Variants in MCTP2 observed in about 807,000 individuals in gnomAD.
MCTP2 encodes the protein multiple C2 and transmembrane domain-containing protein 2.
In MCTP2, 132 loss-of-function variants were observed where a neutral mutation model predicts 111.6. The ratio of observed to expected loss-of-function variants is 1.18; its 90% CI spans 1.03 to 1.37. The LOEUF is 1.37. MCTP2 is among the 40% of genes most tolerant of loss of function. The probability of loss-of-function intolerance (pLI) is 0.00; values close to 1 mark genes in which losing one functional copy is unlikely to be tolerated. For missense variants in MCTP2, 1,183 were observed against 1,067.9 expected, an observed-to-expected ratio of 1.11 and a Z score of -1.50; for synonymous variants, 395 against 387.7, an observed-to-expected ratio of 1.02 and a Z score of -0.22.
In MCTP2 at chr15:94,440,103, A is replaced by T. The variant is rs2083691304; in HGVS notation, c.2086-73A>T. The T allele has an allele frequency of 1.9e-6, 3 of 1,543,510 alleles. No individual in the cohort carries two copies. In the South Asian group the frequency reaches 3.5e-5, roughly 18 times the overall value. The stretch of plus-strand genomic sequence containing the variant: ...GAGTCCAATTGAATCTCCTTACATC[A>T]ATGAGTAGGAATTTGATTGCTCCCC... On this transcript the variant is annotated intron_variant, in intron 17 of 22. Transcript: ENST00000357742.
In MCTP2 at chr15:94,452,423, C is replaced by G. The variant is rs7172050; in HGVS notation, c.2251-5714C>G. On this transcript the variant is annotated intron_variant, in intron 19 of 22. Coordinates refer to ENST00000357742, the MANE Select transcript of MCTP2 (RefSeq NM_001385001.1). ...TAGGAAGAGGATTCACAAAAGCCAT[C>G]AAGCTTGAGTTGGGCCTTCCAGTCA... 6.8e-3 allele frequency among the ~76,000 whole-genome samples: 1,035 copies of G among 152,304 alleles called. 18 individuals carry two copies. The highest frequency in any genetic ancestry group is 0.024 in the African/African-American group (979 of 41,562).
chr15:94,333,569 T>C (rs1011902156), intron 4 of MCTP2, among the ~76,000 whole-genome samples: 2 of 152,188 alleles, frequency 1.3e-5, no homozygotes, highest in Admixed American at 6.5e-5. Flanking sequence ...ACCATTTGTA[T>C]TGGTACCAGC....
Position 94,358,469 on chromosome 15 carries a change from G to A in MCTP2, c.1171-13G>A, listed in dbSNP as rs1167140886. ...TTTTAAGAAAATAAATATTATAACT[G>A]CATGTTTTCTAGACACTGTGTAAGA... On this transcript the variant is annotated splice_polypyrimidine_tract_variant and intron_variant, in intron 9 of 22. Transcript: ENST00000357742. 3.1e-6 allele frequency: 5 copies of A among 1,602,870 alleles called. No homozygotes were observed. Among genetic ancestry groups the A allele is most frequent in the South Asian group, 1.1e-5 (1 of 89,544 alleles).
intron 1 of MCTP2, among the ~76,000 whole-genome samples, chr15:94,235,433 G>A (rs1187217695): frequency 2.6e-5 from 4 of 152,032 alleles, no homozygotes; most frequent in African/African-American, 7.3e-5. Context: ...GAAGCCCTCC[G>A]GATGATTCTG....
Position 94,401,905 on chromosome 15 carries a change from A to G in MCTP2, c.1971A>G (p.Leu657=), listed in dbSNP as rs774644591. ...TTGTCATTTTTTAAAATCAGATCTT[A>G]TCAAGAGATGTGGACCGTGTGAAAA... ...EDSRKLSKKI[L]SRDVDRVKRI... is the part of the protein sequence containing the mutation. Residue 657 remains leucine, a synonymous_variant, in exon 17 of 23, where the codon TTA becomes TTG. Transcript: ENST00000357742. 3.7e-6 allele frequency: 6 copies of G among 1,606,128 alleles called. No homozygotes were observed. The highest frequency in any genetic ancestry group is 5.1e-6 in the Non-Finnish European group (6 of 1,176,644).
chr15:94,381,110 G>C (rs1438602446), intron 12 of MCTP2, among the ~76,000 whole-genome samples: 1 of 152,228 alleles, frequency 6.6e-6, no homozygotes, highest in East Asian at 1.9e-4. Flanking sequence ...ATGTATGTCA[G>C]TCTCCCTTGT....
intron 1 of MCTP2, among the ~76,000 whole-genome samples, chr15:94,245,336 G>A (rs1368292229): frequency 7.3e-6 from 1 of 136,308 alleles, no homozygotes; most frequent in Non-Finnish European, 1.6e-5. Flanking sequence ...ATACATATGT[G>A]TAGATATTTA....
chr15:94,354,178 T>C (rs1038193553), intron 8 of MCTP2, among the ~76,000 whole-genome samples: 3 of 152,144 alleles, frequency 2.0e-5, no homozygotes, highest in Admixed American at 1.3e-4. Context: ...AGTTCTTTCT[T>C]TTTAAAATTC....
At chr15:94,296,672 C>G (rs2075290566) in intron 1 of MCTP2, among the ~76,000 whole-genome samples, 1 of 152,182 alleles carries the variant, frequency 6.6e-6, no homozygotes, top group South Asian at 2.1e-4. Context: ...TACTTTGTGT[C>G]ATCGTATCTG....
chr15:94,261,523 CTGAG>C (rs944630146), intron 1 of MCTP2, among the ~76,000 whole-genome samples: 1 of 152,160 alleles, frequency 6.6e-6, no homozygotes, highest in African/African-American at 2.4e-5. Context: ...CAGGATGCTT[CTGAG>C]TATTATATAA....
intron 17 of MCTP2, among the ~76,000 whole-genome samples, chr15:94,422,847 C>T (rs1272345122): frequency 6.6e-6 from 1 of 152,130 alleles, no homozygotes; most frequent in Non-Finnish European, 1.5e-5. Context: ...ACTAAACTAT[C>T]AGTCATCGTC....
At chr15:94,263,471 T>C (rs1224837510) in intron 1 of MCTP2, among the ~76,000 whole-genome samples, 1 of 152,214 alleles carries the variant, frequency 6.6e-6, no homozygotes, top group Non-Finnish European at 1.5e-5. Flanking sequence ...TAACACGTAT[T>C]GTTGACTCAT....
At chr15:94,277,806 A>G (rs1054587054) in intron 1 of MCTP2, among the ~76,000 whole-genome samples, 6 of 152,208 alleles carry the variant, frequency 3.9e-5, no homozygotes, top group Admixed American at 3.9e-4. Flanking sequence ...CAAAAAGCCA[A>G]CCTTAATTTA....
intron 20 of MCTP2, among the ~76,000 whole-genome samples, chr15:94,465,581 C>T (rs1174983296): frequency 6.6e-6 from 1 of 151,928 alleles, no homozygotes; most frequent in Non-Finnish European, 1.5e-5. Context: ...ACAGTCTCAC[C>T]TTTCTTTTCT....
At chr15:94,314,622 A>G (rs1214163478) in intron 3 of MCTP2, 1 of 526,124 alleles carries the variant, frequency 1.9e-6, no homozygotes, top group Non-Finnish European at 3.5e-6. Flanking sequence ...AGTGCTTTGA[A>G]ACTTTCAAAA....
intron 17 of MCTP2, among the ~76,000 whole-genome samples, chr15:94,437,561 C>A (rs1212253030): frequency 1.3e-5 from 2 of 151,720 alleles, no homozygotes; most frequent in Non-Finnish European, 2.9e-5. Flanking sequence ...ATCAAGATAC[C>A]AATTATCTTT....
intron 3 of MCTP2, chr15:94,314,713 C>A (rs749271047): frequency 1.1e-5 from 5 of 472,370 alleles, no homozygotes; most frequent in Non-Finnish European, 1.7e-5. Flanking sequence ...TTTATTTGCC[C>A]TTTTCCCTTT....
rs971199721 is a variant in MCTP2, at chr15:94,415,967, C to T, written c.2085+13948C>T. ...TTCCCAATGGCAGTTTAGGAAATAT[C>T]GGGGAGCTGTCTGTTTGTGAAGAGC... On this transcript the variant is annotated intron_variant, in intron 17 of 22. Transcript: ENST00000357742. Among the ~76,000 whole-genome samples the T allele has an allele frequency of 9.2e-5, 14 of 152,032 alleles. No individual in the cohort carries two copies. In the East Asian group the frequency reaches 2.3e-3, roughly 25 times the overall value.
At chr15:94,241,994 G>C (rs1596132318) in intron 1 of MCTP2, among the ~76,000 whole-genome samples, 1 of 152,130 alleles carries the variant, frequency 6.6e-6, no homozygotes, top group South Asian at 2.1e-4. Context: ...GCACTACTCT[G>C]TATGGTTGTT....
Sources: gnomAD v4.1 joint callset for allele counts (sites outside exome capture counted in the v4.1 genomes callset) on GRCh38, gnomAD v4.1.1 for gene constraint, MANE v1.5 for transcripts, NCBI Gene and HGNC (gene_info 2026-07-23, HGNC 2026-07-21) for gene names.